Variants in KIRREL3 observed in about 807,000 individuals in gnomAD.
KIRREL3 encodes the protein kirre like nephrin family adhesion molecule 3.
KIRREL3 carries 36 observed loss-of-function variants against 89.7 expected under a neutral mutation model. That is an observed-to-expected ratio of 0.40 (90% CI 0.31 to 0.53). The LOEUF (loss-of-function observed/expected upper bound fraction) is 0.53, where lower values mean the gene tolerates loss of function less well. KIRREL3 is among the 20% of genes least tolerant of loss of function. KIRREL3 has a pLI of 0.49. For synonymous variants in KIRREL3, 445 were observed against 441.4 expected (o/e 1.01, Z -0.10); for missense variants, 864 against 1,056.6 (o/e 0.82, Z 2.53).
intron 1 of KIRREL3, among the ~76,000 whole-genome samples, chr11:126,733,034 TC>T (rs1167804837): frequency 1.3e-5 from 2 of 152,246 alleles, no homozygotes; most frequent in Non-Finnish European, 2.9e-5. Flanking sequence ...GTCCTGGGGT[TC>T]TGAAGGCAGC....
At position 126,636,880 on chromosome 11, in the gene KIRREL3, C is replaced by A. The variant is rs964778674; in HGVS notation, c.56-73968G>T. Reference sequence around the variant, plus strand: ...TTAATGCCATTGCATGCCATTGTCACATCAATACAATGAAAGTAACACCTA... The same window carrying A: ...TTAATGCCATTGCATGCCATTGTCAAATCAATACAATGAAAGTAACACCTA... On this transcript the variant is annotated intron_variant, in intron 1 of 16. Transcript: ENST00000525144. This position sits in a 1 kb window ranked among gnomAD's most constrained non-coding sequence, Gnocchi z 4.4. 6.6e-6 allele frequency among the ~76,000 whole-genome samples: 1 copy of A among 152,162 alleles called. No homozygotes were observed. The highest frequency in any genetic ancestry group is 2.4e-5 in the African/African-American group (1 of 41,444).
intron 1 of KIRREL3, among the ~76,000 whole-genome samples, chr11:126,915,822 CA>C (rs1204997569): frequency 6.6e-6 from 1 of 152,168 alleles, no homozygotes; most frequent in Non-Finnish European, 1.5e-5. Flanking sequence ...GAGCATTTCA[CA>C]TTCTCTTATT....
intron 1 of KIRREL3, among the ~76,000 whole-genome samples, chr11:126,937,721 A>C (rs905659594): frequency 2.6e-5 from 4 of 152,002 alleles, no homozygotes; most frequent in Non-Finnish European, 4.4e-5. Context: ...AACACAGTGA[A>C]ACCCCATCTC....
chr11:126,804,099 A>T (rs999615264), intron 1 of KIRREL3, among the ~76,000 whole-genome samples: 2 of 152,132 alleles, frequency 1.3e-5, no homozygotes, highest in African/African-American at 4.8e-5. Context: ...TGTTTCAGAC[A>T]CTCTGGCTGT....
intron 1 of KIRREL3, among the ~76,000 whole-genome samples, chr11:126,582,296 C>T (rs1941592244): frequency 1.3e-5 from 2 of 152,210 alleles, no homozygotes; most frequent in African/African-American, 4.8e-5. Flanking sequence ...TGCAAGGATG[C>T]ACTGCTTGCT....
intron 5 of KIRREL3, among the ~76,000 whole-genome samples, chr11:126,468,903 C>T (rs1956803933): frequency 6.6e-6 from 1 of 152,194 alleles, no homozygotes; most frequent in Non-Finnish European, 1.5e-5. Flanking sequence ...TTGAGCTAGG[C>T]CTTCAGAACC....
intron 1 of KIRREL3, among the ~76,000 whole-genome samples, chr11:126,923,228 CTTCT>C (rs1947504447): frequency 2.3e-5 from 1 of 42,564 alleles, no homozygotes; most frequent in African/African-American, 1.0e-4. Context: ...TCTTCTTCTT[CTTCT>C]TCTTCTTCTT....
intron 1 of KIRREL3, among the ~76,000 whole-genome samples, chr11:126,690,278 A>G (rs1946828515): frequency 6.6e-6 from 1 of 152,060 alleles, no homozygotes; most frequent in African/African-American, 2.4e-5. Flanking sequence ...CCCACACCCC[A>G]GCAGGGAAAT....
rs1943304316 is a variant in KIRREL3, at chr11:126,615,461, GC to G, written c.56-52550del. ...AGAGCTTTGGGAGGTTAAGGAATGG[GC>G]AAAATCACAGCCAGTAGGTAGCAGA... On this transcript the variant is annotated intron_variant, in intron 1 of 16. Coordinates refer to ENST00000525144, the MANE Select transcript of KIRREL3 (RefSeq NM_032531.4). The surrounding 1 kb of genome is among the most constrained non-coding windows in gnomAD (Gnocchi z 5.4). Among the ~76,000 whole-genome samples, 2 of 152,138 alleles carry G rather than the reference GC, an allele frequency of 1.3e-5. No homozygotes were observed. Among genetic ancestry groups the G allele is most frequent in the African/African-American group, 4.8e-5 (2 of 41,434 alleles).
chr11:126,474,124 T>C lies in KIRREL3; in HGVS notation c.434-658A>G, dbSNP rs1056375682. ...GGCCAACACCTGGTTAATTTTTGTA[T>C]TTTTAGTAGAGATGGGGTTTCACCA... On this transcript the variant is annotated intron_variant, in intron 4 of 16. Coordinates refer to ENST00000525144, the MANE Select transcript of KIRREL3 (RefSeq NM_032531.4). The surrounding 1 kb of genome is among the most constrained non-coding windows in gnomAD (Gnocchi z 6.7). Among the ~76,000 whole-genome samples the C allele has an allele frequency of 6.6e-6, 1 of 152,138 alleles. No individual in the cohort carries two copies. Among genetic ancestry groups the C allele is most frequent in the African/African-American group, 2.4e-5 (1 of 41,504 alleles).
Position 126,694,389 on chromosome 11 carries a change from G to A in KIRREL3, c.56-131477C>T, listed in dbSNP as rs1947003390. 6.6e-6 allele frequency among the ~76,000 whole-genome samples: 1 copy of A among 152,200 alleles called. No individual in the cohort carries two copies. ...TTGTGTCTCCCCTGGCTGTGGGGCT[G>A]TCTGGACTGGGGATTCTGTCTGATT... is the stretch of plus-strand genomic sequence containing the variant. On this transcript the variant is annotated intron_variant, in intron 1 of 16. Transcript: ENST00000525144. This position sits in a 1 kb window ranked among gnomAD's most constrained non-coding sequence, Gnocchi z 4.4.
Position 126,651,806 on chromosome 11 carries a change from C to A in KIRREL3, c.56-88894G>T, listed in dbSNP as rs888080106. On this transcript the variant is annotated intron_variant, in intron 1 of 16. Coordinates refer to ENST00000525144, the MANE Select transcript of KIRREL3 (RefSeq NM_032531.4). This position sits in a 1 kb window ranked among gnomAD's most constrained non-coding sequence, Gnocchi z 4.6. ...ATTAGGAATGATTATACCAGAGAAC[C>A]CAATAAATGAGAAGTTTTGGAGACA... 1.3e-5 allele frequency among the ~76,000 whole-genome samples: 2 copies of A among 152,028 alleles called. No homozygotes were observed. Among genetic ancestry groups the A allele is most frequent in the African/African-American group, 4.8e-5 (2 of 41,376 alleles).
intron 1 of KIRREL3, among the ~76,000 whole-genome samples, chr11:126,893,762 T>C (rs1440217817): frequency 6.6e-6 from 1 of 152,236 alleles, no homozygotes; most frequent in East Asian, 1.9e-4. Context: ...GTTATCCTAT[T>C]AAACGATGCG....
chr11:126,845,371 T>C (rs1944104164), intron 1 of KIRREL3, among the ~76,000 whole-genome samples: 1 of 152,140 alleles, frequency 6.6e-6, no homozygotes, highest in South Asian at 2.1e-4. Flanking sequence ...GTTGAATGAA[T>C]GGTAAAAATC....
rs57731995 is a variant in KIRREL3 at position 126,676,784 on chromosome 11, A to AT, written c.56-113873dup. Among the ~76,000 whole-genome samples the AT allele has an allele frequency of 1.3e-3, 188 of 144,370 alleles. No individual in the cohort carries two copies. The highest frequency in any genetic ancestry group is 3.0e-3 in the African/African-American group (120 of 39,544). The allele number at this position is 144,370 out of a possible 152,430, so 94.7% of individuals were successfully genotyped here. ...AACTTTTTATTTTTCTTTAGAGCTG[A>AT]TTTTTTTTTTTTCCTTTTGAGACAG... On this transcript the variant is annotated intron_variant, in intron 1 of 16. Coordinates refer to ENST00000525144, the MANE Select transcript of KIRREL3 (RefSeq NM_032531.4). The surrounding 1 kb of genome is among the most constrained non-coding windows in gnomAD (Gnocchi z 4.5).
At position 126,531,123 on chromosome 11, in the gene KIRREL3, C is replaced by G. The variant is rs1380237099; in HGVS notation, c.134-4436G>C. Among the ~76,000 whole-genome samples, 1 of 152,122 alleles carries G rather than the reference C, an allele frequency of 6.6e-6. No individual in the cohort carries two copies. The highest frequency in any genetic ancestry group is 1.5e-5 in the Non-Finnish European group (1 of 68,026). On this transcript the variant is annotated intron_variant, in intron 2 of 16. Transcript: ENST00000525144. This position sits in a 1 kb window ranked among gnomAD's most constrained non-coding sequence, Gnocchi z 4.7. ...GATTACGAGCGTGAGCCACCATGCC[C>G]GGCCCCATGCTTTGTTTTGAGTCTG...
chr11:126,945,556 G>A (rs1948598896), intron 1 of KIRREL3, among the ~76,000 whole-genome samples: 1 of 152,196 alleles, frequency 6.6e-6, no homozygotes, highest in Non-Finnish European at 1.5e-5. Context: ...TGGGGAAACA[G>A]ATCTCAGGTT....
Position 126,424,400 on chromosome 11 carries a change from C to A in KIRREL3, c.*180G>T. 1 of 538,172 alleles carries A rather than the reference C, an allele frequency of 1.9e-6. No homozygotes were observed. Among genetic ancestry groups the A allele is most frequent in the Non-Finnish European group, 3.3e-6 (1 of 299,734 alleles). 33.3% of individuals were successfully genotyped at this position (538,172 alleles called of 1,614,324 possible). On this transcript the variant is annotated 3_prime_UTR_variant, in exon 17 of 17. Transcript: ENST00000525144. ...ACCCGCCCACCTCTGGCACACAGCACCTGGGGACCCAGATTTGTGCTTGAT... is the reference window on the plus strand; with the variant it reads ...ACCCGCCCACCTCTGGCACACAGCAACTGGGGACCCAGATTTGTGCTTGAT...
rs972334677 is a variant in KIRREL3, at chr11:126,462,803, G to A, written c.742+354C>T. Among the ~76,000 whole-genome samples the A allele has an allele frequency of 4.6e-5, 7 of 152,140 alleles. No individual in the cohort carries two copies. The highest frequency in any genetic ancestry group is 7.3e-5 in the Non-Finnish European group (5 of 68,030). On this transcript the variant is annotated intron_variant, in intron 6 of 16. Transcript: ENST00000525144. This position sits in a 1 kb window ranked among gnomAD's most constrained non-coding sequence, Gnocchi z 4.8. ...CTGCTTGCCAATTCTGAAGCCTGGG[G>A]ACCCTTCAAATACCAGCATCTCCAC...
Sources: gnomAD v4.1 joint callset for allele counts (sites outside exome capture counted in the v4.1 genomes callset) on GRCh38, gnomAD v4.1.1 for gene constraint, Gnocchi (gnomAD v3.1) non-coding constraint, MANE v1.5 for transcripts, NCBI Gene and HGNC (gene_info 2026-07-23, HGNC 2026-07-21) for gene names.